KCMF1: variants seen among roughly 807,000 people sequenced by gnomAD.
The protein encoded by KCMF1 is potassium channel modulatory factor 1, also known as E3 ubiquitin-protein ligase KCMF1.
Under a neutral mutation model 41.1 loss-of-function variants are expected in KCMF1, and 3 were observed. The ratio of observed to expected loss-of-function variants is 0.07; its 90% confidence interval spans 0.03 to 0.19. The LOEUF is 0.19. Ranked by LOEUF, KCMF1 falls within the 10% of genes least tolerant of loss-of-function variation. The pLI is 1.00. For synonymous variants in KCMF1, 142 were observed against 164.5 expected (o/e 0.86, Z 1.04); for missense variants, 286 against 488.9 (o/e 0.58, Z 3.91).
intron 1 of KCMF1, among the ~76,000 whole-genome samples, chr2:84,974,691 ATTTTTTTTTTTTTT>A (rs869056943): frequency 2.7e-4 from 4 of 14,676 alleles, no homozygotes; most frequent in African/African-American, 9.3e-4. Flanking sequence ...ATATATATAT[ATTTTTTTTTTTTTT>A]TTTTTTTTTT....
chr2:85,011,165 T>C (rs1472934504), intron 1 of KCMF1, among the ~76,000 whole-genome samples: 1 of 152,196 alleles, frequency 6.6e-6, no homozygotes, highest in Non-Finnish European at 1.5e-5. Context: ...ATTATTTATC[T>C]TGATGCTCAA....
rs563929980 is a variant in KCMF1 at position 84,992,579 on chromosome 2, T to C, written c.16+21112T>C. On this transcript the variant is annotated intron_variant, in intron 1 of 6. Transcript: ENST00000409785. ...CAGAAAAATAGCTGTCTACCATCCT[T>C]ATAAATACTTTGCATACAGTTTTAA... Among the ~76,000 whole-genome samples the C allele has an allele frequency of 6.6e-5, 10 of 152,322 alleles. No homozygotes were observed. In the South Asian group the frequency reaches 1.7e-3, roughly 25 times the overall value.
chr2:85,003,940 C>T (rs2103993174), intron 1 of KCMF1, among the ~76,000 whole-genome samples: 1 of 152,194 alleles, frequency 6.6e-6, no homozygotes, highest in East Asian at 1.9e-4. Context: ...GGACATTTTT[C>T]CAAGACCACC....
intron 1 of KCMF1, chr2:84,972,317 A>C (rs1231851122): frequency 6.6e-6 from 1 of 152,280 alleles, no homozygotes; most frequent in African/African-American, 2.4e-5. Flanking sequence ...TACAGTTGCA[A>C]ATAAGCAGAC....
chr2:85,013,393 C>T (rs1293605754), intron 1 of KCMF1, among the ~76,000 whole-genome samples: 1 of 152,114 alleles, frequency 6.6e-6, no homozygotes, highest in African/African-American at 2.4e-5. Flanking sequence ...GTTTAGATAA[C>T]ATTAAAAAAA....
intron 1 of KCMF1, among the ~76,000 whole-genome samples, chr2:84,978,819 G>A (rs569265495): frequency 3.3e-5 from 5 of 152,008 alleles, no homozygotes; most frequent in African/African-American, 1.2e-4. Flanking sequence ...GGGTTCAAGC[G>A]ATTCTCCTGC....
intron 1 of KCMF1, among the ~76,000 whole-genome samples, chr2:85,003,834 G>A (rs931152373): frequency 6.6e-6 from 1 of 152,142 alleles, no homozygotes; most frequent in African/African-American, 2.4e-5. Context: ...GAAAGAAGAT[G>A]TAGCAAGCAT....
intron 2 of KCMF1, among the ~76,000 whole-genome samples, chr2:85,031,674 G>A (rs1451770383): frequency 1.3e-5 from 2 of 152,168 alleles, no homozygotes; most frequent in Non-Finnish European, 2.9e-5. Context: ...AGTTTATTAG[G>A]ATATAACCCC....
At chr2:85,015,398 T>C (rs1439135810) in intron 1 of KCMF1, among the ~76,000 whole-genome samples, 1 of 152,132 alleles carries the variant, frequency 6.6e-6, no homozygotes, top group Non-Finnish European at 1.5e-5. Flanking sequence ...TAATAGTAGA[T>C]TGAGTAATAT....
chr2:85,034,182 CA>C (rs886668724), intron 2 of KCMF1, among the ~76,000 whole-genome samples: 9 of 151,720 alleles, frequency 5.9e-5, no homozygotes, highest in African/African-American at 1.9e-4. Flanking sequence ...GACCTTGTCT[CA>C]AAAAAAATTT....
rs958037790 is a variant in KCMF1 at position 85,057,897 on chromosome 2, G to T, written c.*4488G>T. 1.3e-5 allele frequency: 2 copies of T among 152,224 alleles called. No individual in the cohort carries two copies. The highest frequency in any genetic ancestry group is 6.5e-5 in the Admixed American group (1 of 15,288). The allele number at this position is 152,224 out of a possible 1,614,324, so 9.4% of individuals were successfully genotyped here. A position where few individuals can be genotyped will look rare whatever the true frequency, so the allele number is the denominator to read the frequency against. On this transcript the variant is annotated 3_prime_UTR_variant, in exon 7 of 7. Transcript: ENST00000409785. ...AGTCGGTTGCTATTAGGTGGGTAATGCCTAATAACATGGGTTCCTCAAATC... is the reference window on the plus strand; with the variant it reads ...AGTCGGTTGCTATTAGGTGGGTAATTCCTAATAACATGGGTTCCTCAAATC...
At chr2:84,997,674 A>G (rs1674209031) in intron 1 of KCMF1, among the ~76,000 whole-genome samples, 1 of 151,864 alleles carries the variant, frequency 6.6e-6, no homozygotes, top group Non-Finnish European at 1.5e-5. Context: ...TGCCTCATCT[A>G]TAAGGGTTGA....
intron 1 of KCMF1, among the ~76,000 whole-genome samples, chr2:85,008,313 A>ATATAT (rs1269679569): frequency 1.3e-3 from 3 of 2,254 alleles, no homozygotes; most frequent in African/African-American, 4.0e-3. Flanking sequence ...ATAATATGAT[A>ATATAT]TATATATCAT....
At chr2:84,994,437 T>C (rs1341466324) in intron 1 of KCMF1, among the ~76,000 whole-genome samples, 1 of 151,904 alleles carries the variant, frequency 6.6e-6, no homozygotes, top group Non-Finnish European at 1.5e-5. Flanking sequence ...GAGGTTCGCT[T>C]TTGTTGCCCA....
intron 2 of KCMF1, 132 bp from the exon 3 acceptor site, chr2:85,034,884 C>T (rs1440683569): frequency 1.3e-5 from 9 of 686,376 alleles, no homozygotes; most frequent in South Asian, 2.3e-5. Flanking sequence ...GTCCTCCCAA[C>T]GTGCTGGGAT....
At chr2:85,033,362 GTCTC>G (rs1290386916) in intron 2 of KCMF1, among the ~76,000 whole-genome samples, 3 of 151,980 alleles carry the variant, frequency 2.0e-5, no homozygotes, top group South Asian at 2.1e-4. Flanking sequence ...TTATGTTTCT[GTCTC>G]TCTGTTTTAT....
At chr2:84,973,316 T>C (rs938837059) in intron 1 of KCMF1, among the ~76,000 whole-genome samples, 2 of 152,216 alleles carry the variant, frequency 1.3e-5, no homozygotes, top group Admixed American at 1.3e-4. Flanking sequence ...ATCTCATATT[T>C]GGAACATTCT....
rs570214180 is a variant in KCMF1, at chr2:84,981,188, T to C, written c.16+9721T>C. On this transcript the variant is annotated intron_variant, in intron 1 of 6. Transcript: ENST00000409785. ...ATTAGGTTTGCACATTATCTTCTGT[T>C]GAATTTTTTTTTTTTTTTTGAGACA... Among the ~76,000 whole-genome samples the C allele has an allele frequency of 1.2e-3, 182 of 151,852 alleles. 2 individuals are homozygous for C. The highest frequency in any genetic ancestry group is 6.8e-3 in the Middle Eastern group (2 of 294).
chr2:84,974,905 C>T (rs1207942445), intron 1 of KCMF1, among the ~76,000 whole-genome samples: 1 of 151,280 alleles, frequency 6.6e-6, no homozygotes, highest in Non-Finnish European at 1.5e-5. Flanking sequence ...GATGGGGTTT[C>T]ACCATGTTGG....
Sources: allele counts gnomAD v4.1 joint callset (sites outside exome capture counted in the v4.1 genomes callset), GRCh38; gene constraint gnomAD v4.1.1; transcripts MANE v1.5; gene names NCBI Gene and HGNC (gene_info 2026-07-23, HGNC 2026-07-21).